Variants in ACACA observed in about 807,000 individuals in gnomAD.
The protein encoded by ACACA is acetyl-CoA carboxylase alpha, also known as acetyl-CoA carboxylase 1.
In ACACA, 103 loss-of-function variants were observed where a neutral mutation model predicts 296.1. That is an observed-to-expected ratio of 0.35 (90% CI 0.30 to 0.41). The LOEUF (loss-of-function observed/expected upper bound fraction) is 0.41. ACACA is among the 10% of genes least tolerant of loss of function. The probability of loss-of-function intolerance (pLI) is 1.00; values close to 1 mark genes in which losing one functional copy is unlikely to be tolerated. For synonymous variants in ACACA, 953 were observed against 1,038.6 expected (o/e 0.92, Z 1.58); for missense variants, 1,554 against 2,989.7 (o/e 0.52, Z 11.20).
chr17:37,184,848 C>CAAAAAA (rs35132757), intron 39 of ACACA, among the ~76,000 whole-genome samples: 1 of 108,322 alleles, frequency 9.2e-6, no homozygotes. Flanking sequence ...GACCCTGTCT[C>CAAAAAA]AAAAAAAAAA....
At chr17:37,233,699 A>T (rs1555609120) in intron 25 of ACACA, among the ~76,000 whole-genome samples, 1 of 152,194 alleles carries the variant, frequency 6.6e-6, no homozygotes, top group Non-Finnish European at 1.5e-5. Context: ...ATTAAAAAAA[A>T]CATCTAAATA....
intron 45 of ACACA, among the ~76,000 whole-genome samples, chr17:37,131,672 C>T (rs570878232): frequency 1.3e-5 from 2 of 152,282 alleles, no homozygotes; most frequent in African/African-American, 2.4e-5. Context: ...GGTCAGCACC[C>T]CCATCGGGAC....
chr17:37,143,537 AAC>A lies in ACACA; in HGVS notation c.5679+6325_5679+6326del, dbSNP rs1294141205. 6.0e-3 allele frequency: 2,912 copies of A among 485,594 alleles called. 70 individuals carry two copies. The highest frequency in any genetic ancestry group is 0.05 in the African/African-American group (2,537 of 50,614). 30.1% of individuals were successfully genotyped at this position (485,594 alleles called of 1,614,324 possible). A position where few individuals can be genotyped will look rare whatever the true frequency, so the allele number is the denominator to read the frequency against. The stretch of plus-strand genomic sequence containing the variant: ...CTAAAGACACTTTTGGTAGTGTGTT[AAC>A]TATACAAAAGAAGACACCATACAGT... On this transcript the variant is annotated intron_variant, in intron 45 of 55. Transcript: ENST00000616317.
At chr17:37,334,840 T>C (rs1339556417) in intron 2 of ACACA, among the ~76,000 whole-genome samples, 2 of 152,064 alleles carry the variant, frequency 1.3e-5, no homozygotes, top group Non-Finnish European at 2.9e-5. Context: ...CCCCATTGTA[T>C]AGGAGTTTAT....
chr17:37,359,091 G>A, intron 1 of ACACA: 1 of 985,800 alleles, frequency 1.0e-6, no homozygotes. Flanking sequence ...TCGGGCGATG[G>A]CTGACAGGCG....
chr17:37,125,425 T>G (rs1203712780), intron 48 of ACACA, among the ~76,000 whole-genome samples: 1 of 152,184 alleles, frequency 6.6e-6, no homozygotes, highest in Non-Finnish European at 1.5e-5. Flanking sequence ...TAGTTGGGCT[T>G]TACAGCTCCC....
chr17:37,280,656 AGTT>A (rs1276886937), intron 5 of ACACA, among the ~76,000 whole-genome samples: 1 of 151,846 alleles, frequency 6.6e-6, no homozygotes, highest in Non-Finnish European at 1.5e-5. Context: ...ATTCGCCATA[AGTT>A]GATAATTATT....
chr17:37,356,163 G>A lies in ACACA; in HGVS notation c.39-16313C>T, dbSNP rs1040283913. 5.9e-5 allele frequency among the ~76,000 whole-genome samples: 9 copies of A among 152,024 alleles called. No homozygotes were observed. In the South Asian group the frequency reaches 8.3e-4, roughly 14 times the overall value. On this transcript the variant is annotated intron_variant, in intron 1 of 55. Coordinates refer to ENST00000616317, the MANE Select transcript of ACACA (RefSeq NM_198834.3). ...AGCCTGGGCAAAAGAGCGAGACTCC[G>A]ACTCCAAAAAATAATAAAATAAAAT...
intron 43 of ACACA, among the ~76,000 whole-genome samples, chr17:37,154,785 C>G (rs763697773): frequency 6.6e-5 from 10 of 152,238 alleles, no homozygotes; most frequent in Non-Finnish European, 1.2e-4. Flanking sequence ...GCGTGAAACA[C>G]TGCGCCCAGC....
chr17:37,291,143 T>TACACACACACACACAC (rs71159701), intron 3 of ACACA, among the ~76,000 whole-genome samples: 18,274 of 136,572 alleles, frequency 0.13, 1,357 homozygotes, highest in South Asian at 0.22. Flanking sequence ...GAAAAACACA[T>TACACACACACACACAC]ACACACACAC....
chr17:37,097,803 A>G lies in ACACA; in HGVS notation c.6720+27T>C. 1 of 1,613,122 alleles carries G rather than the reference A, an allele frequency of 6.2e-7. No individual in the cohort carries two copies. ...ACACTTGCCCACATGTGGGCCTCTG[A>G]CAAGAAGTGGCAACCATTGTACTTA... On this transcript the variant is annotated intron_variant, in intron 53 of 55. Transcript: ENST00000616317. The surrounding 1 kb of genome is among the most constrained non-coding windows in gnomAD (Gnocchi z 4.8).
chr17:37,381,720 C>T (rs561944150), intron 1 of ACACA, among the ~76,000 whole-genome samples: 47 of 149,880 alleles, frequency 3.1e-4, no homozygotes, highest in Middle Eastern at 6.8e-3. Context: ...CTCCGCCTCT[C>T]GGGTTCACGC....
intron 35 of ACACA, among the ~76,000 whole-genome samples, chr17:37,194,210 T>C (rs1335319037): frequency 1.3e-5 from 2 of 152,180 alleles, no homozygotes; most frequent in Non-Finnish European, 2.9e-5. Flanking sequence ...TTTGCCTCTA[T>C]AGGAGGTTTC....
chr17:37,379,472 A>G (rs2050150638), intron 1 of ACACA: 1 of 1,443,646 alleles, frequency 6.9e-7, no homozygotes, highest in Non-Finnish European at 9.3e-7. Context: ...AAAAGCTACA[A>G]GAAAATGAAT....
chr17:37,284,455 T>C (rs979808646), intron 4 of ACACA, among the ~76,000 whole-genome samples: 7 of 152,150 alleles, frequency 4.6e-5, no homozygotes, highest in Non-Finnish European at 8.8e-5. Flanking sequence ...AAAAACATGT[T>C]TTGTTTGAGA....
intron 23 of ACACA, 145 bp downstream of exon 23, chr17:37,241,808 T>C: frequency 1.5e-6 from 1 of 682,666 alleles, no homozygotes; most frequent in Non-Finnish European, 2.6e-6. Context: ...CTAAGATATT[T>C]AGAAAAGACA....
chr17:37,257,679 G>A (rs1156780149), intron 14 of ACACA, 24 bp downstream of exon 14: 1 of 1,610,948 alleles, frequency 6.2e-7, no homozygotes, highest in Non-Finnish European at 8.5e-7. Flanking sequence ...TTTGTAAAAT[G>A]CAATCAAATG....
intron 54 of ACACA, among the ~76,000 whole-genome samples, chr17:37,092,649 C>A (rs1479490223): frequency 6.6e-6 from 1 of 152,186 alleles, no homozygotes; most frequent in Non-Finnish European, 1.5e-5. Context: ...AATGGTTCAG[C>A]AGGGCCAAGG....
intron 3 of ACACA, among the ~76,000 whole-genome samples, chr17:37,286,142 G>A (rs985564015): frequency 1.3e-5 from 2 of 152,068 alleles, no homozygotes; most frequent in African/African-American, 2.4e-5. Flanking sequence ...CGCCCACCTC[G>A]GCCTTCCAAA....
Sources: allele counts gnomAD v4.1 joint callset (sites outside exome capture counted in the v4.1 genomes callset), GRCh38; gene constraint gnomAD v4.1.1; non-coding constraint Gnocchi (gnomAD v3.1); transcripts MANE v1.5; gene names NCBI Gene and HGNC (gene_info 2026-07-23, HGNC 2026-07-21).